MSH3: variants seen among roughly 807,000 people sequenced by gnomAD.
MSH3 encodes the protein mutS homolog 3.
Under a neutral mutation model 123.3 loss-of-function variants are expected in MSH3, and 106 were observed. The ratio of observed to expected loss-of-function variants is 0.86; its 90% CI spans 0.73 to 1.01. The LOEUF (loss-of-function observed/expected upper bound fraction) is 1.01, where lower values mean the gene tolerates loss of function less well. Ranked by LOEUF, MSH3 falls within the 50% of genes least tolerant of loss-of-function variation. MSH3 has a pLI of 0.00. For synonymous variants in MSH3, 515 were observed against 481.4 expected (o/e 1.07, Z -0.91); for missense variants, 1,459 against 1,347.6 (o/e 1.08, Z -1.29).
At chr5:80,770,016 C>T (rs1358863994) in intron 15 of MSH3, among the ~76,000 whole-genome samples, 1 of 152,148 alleles carries the variant, frequency 6.6e-6, no homozygotes, top group African/African-American at 2.4e-5. Flanking sequence ...AGCAGACATT[C>T]ACAATGCCAC....
chr5:80,705,287 A>G (rs1750695111), intron 8 of MSH3, among the ~76,000 whole-genome samples: 1 of 152,196 alleles, frequency 6.6e-6, no homozygotes, highest in Non-Finnish European at 1.5e-5. Flanking sequence ...TCTTAGCTGT[A>G]CATTGGGATT....
intron 7 of MSH3, 38 bp from the exon 8 acceptor site, chr5:80,678,889 C>T (rs771276196): frequency 1.2e-6 from 2 of 1,611,518 alleles, no homozygotes; most frequent in Non-Finnish European, 8.5e-7. Flanking sequence ...TGGGGAAATA[C>T]ATTTTTTCTG....
intron 7 of MSH3, among the ~76,000 whole-genome samples, chr5:80,677,386 G>A (rs1749865986): frequency 6.6e-6 from 1 of 152,166 alleles, no homozygotes; most frequent in Non-Finnish European, 1.5e-5. Context: ...TTACAGTGTA[G>A]ACCATTTCTC....
At position 80,679,028 on chromosome 5, in the gene MSH3, G is replaced by C; in HGVS notation, c.1275G>C (p.Glu425Asp). 1.2e-6 allele frequency: 2 copies of C among 1,614,154 alleles called. No individual in the cohort carries two copies. The highest frequency in any genetic ancestry group is 1.7e-6 in the Non-Finnish European group (2 of 1,180,012). The change falls in exon 8 of 24, where the codon GAG (glutamate) becomes GAC (aspartate). Residue 425 changes from glutamate (E) to aspartate (D), a missense_variant. Physicochemically the swap from Glu to Asp is conservative, Grantham distance 45. Coordinates refer to ENST00000265081, the MANE Select transcript of MSH3 (RefSeq NM_002439.5). The stretch of plus-strand genomic sequence containing the variant: ...GGATGTCAAGCCTGCAGCCAGTAGA[G>C]CTGCTGCTTCCTTCGGCCTTGTCCG... ...ETRMSSLQPV[E>D]LLLPSALSEQ...
Position 80,772,124 on chromosome 5 carries a change from T to G in MSH3, c.2253+3121T>G, listed in dbSNP as rs182278350. 1.4e-3 allele frequency among the ~76,000 whole-genome samples: 219 copies of G among 152,166 alleles called. 1 individual carries two copies. Among genetic ancestry groups the G allele is most frequent in the Middle Eastern group, 3.4e-3 (1 of 294 alleles). On this transcript the variant is annotated intron_variant, in intron 15 of 23. Coordinates refer to ENST00000265081, the MANE Select transcript of MSH3 (RefSeq NM_002439.5). ...CCTTGAATGAAATGTGGAATGGAAA[T>G]GGGGCAATGTTTACATTGGGGGCAG...
rs1434936547 is a variant in MSH3 at position 80,691,734 on chromosome 5, C to T, written c.1340+12641C>T. 2.4e-4 allele frequency among the ~76,000 whole-genome samples: 36 copies of T among 147,948 alleles called. No homozygotes were observed. The Admixed American group carries it at 2.5e-3, about 10-fold the overall frequency. On this transcript the variant is annotated intron_variant, in intron 8 of 23. Coordinates refer to ENST00000265081, the MANE Select transcript of MSH3 (RefSeq NM_002439.5). ...TTGCCCTATCAAAACTCAAAACTTA[C>T]ATATATATGTGTGTGTATATATATA... is the stretch of plus-strand genomic sequence containing the variant.
chr5:80,856,283 G>GT (rs909353462), intron 21 of MSH3, among the ~76,000 whole-genome samples: 3 of 150,604 alleles, frequency 2.0e-5, no homozygotes, highest in Admixed American at 6.6e-5. Flanking sequence ...ATAACATTTT[G>GT]TTTTTTTTAA....
rs112622698 is a variant in MSH3 at position 80,860,207 on chromosome 5, A to G, written c.3001-4606A>G. 2.3e-3 allele frequency among the ~76,000 whole-genome samples: 348 copies of G among 152,294 alleles called. 3 individuals carry two copies. The highest frequency in any genetic ancestry group is 8.1e-3 in the African/African-American group (335 of 41,550). Reference sequence around the variant, plus strand: ...TAGATCCACTAAAAATAAGAAAAATAAAAGTTTTTCGCCTTCACTGGTTCC... The same window carrying G: ...TAGATCCACTAAAAATAAGAAAAATGAAAGTTTTTCGCCTTCACTGGTTCC... On this transcript the variant is annotated intron_variant, in intron 21 of 23. Transcript: ENST00000265081.
intron 20 of MSH3, 39 bp downstream of exon 20, chr5:80,813,780 TAA>T (rs1745051789): frequency 1.9e-6 from 3 of 1,606,324 alleles, no homozygotes; most frequent in Non-Finnish European, 2.6e-6. Flanking sequence ...TTCTTGAAAA[TAA>T]GTCAAGCCCA....
At chr5:80,765,514 CT>C (rs1371406591) in intron 13 of MSH3, among the ~76,000 whole-genome samples, 2 of 152,098 alleles carry the variant, frequency 1.3e-5, no homozygotes, top group Admixed American at 6.6e-5. Flanking sequence ...TAGTAATTAC[CT>C]TTTTGAATAC....
chr5:80,816,242 A>G (rs942919225), intron 20 of MSH3, among the ~76,000 whole-genome samples: 4 of 152,136 alleles, frequency 2.6e-5, no homozygotes, highest in Non-Finnish European at 4.4e-5. Context: ...AACTGCAGCT[A>G]TGACAAGTCA....
rs2112106770 is a variant in MSH3, at chr5:80,854,335, G to A, written c.3000+19G>A. ...CAGAGATGTAAGTATCCGGTAAACTGTATTTAAAAAGAAATTAATTTGTAA... is the reference window on the plus strand; with the variant it reads ...CAGAGATGTAAGTATCCGGTAAACTATATTTAAAAAGAAATTAATTTGTAA... On this transcript the variant is annotated intron_variant, in intron 21 of 23. Transcript: ENST00000265081. The A allele has an allele frequency of 6.2e-7, 1 of 1,602,266 alleles. No individual in the cohort carries two copies. The highest frequency in any genetic ancestry group is 8.5e-7 in the Non-Finnish European group (1 of 1,170,110).
At chr5:80,850,796 T>C (rs183813416) in intron 20 of MSH3, among the ~76,000 whole-genome samples, 1 of 152,352 alleles carries the variant, frequency 6.6e-6, no homozygotes, top group African/African-American at 2.4e-5. Flanking sequence ...GTACTTGTTC[T>C]GTTGGTTTTC....
At position 80,761,430 on chromosome 5, in the gene MSH3, G is replaced by T. The variant is rs1005007066; in HGVS notation, c.1764-116G>T. On this transcript the variant is annotated intron_variant, in intron 12 of 23. Coordinates refer to ENST00000265081, the MANE Select transcript of MSH3 (RefSeq NM_002439.5). ...ACATGACTATCTCAGTATGAAGGAG[G>T]AGTTTCCTTTGTGCCTAATAAGTGG... is the stretch of plus-strand genomic sequence containing the variant. 1.2e-5 allele frequency: 15 copies of T among 1,231,102 alleles called. No individual in the cohort carries two copies. The African/African-American group carries it at 1.3e-4, about 11-fold the overall frequency. 76.3% of individuals were successfully genotyped at this position (1,231,102 alleles called of 1,614,324 possible).
chr5:80,727,579 T>G (rs1377209670), intron 9 of MSH3, among the ~76,000 whole-genome samples: 1 of 152,230 alleles, frequency 6.6e-6, no homozygotes, highest in Non-Finnish European at 1.5e-5. Context: ...TGTGTAAAAC[T>G]CCACACATAC....
intron 8 of MSH3, among the ~76,000 whole-genome samples, chr5:80,707,732 A>G (rs1750755390): frequency 6.6e-6 from 1 of 152,166 alleles, no homozygotes; most frequent in South Asian, 2.1e-4. Flanking sequence ...ACCCTGTCTC[A>G]AAAAAACAAA....
intron 22 of MSH3, among the ~76,000 whole-genome samples, chr5:80,866,979 T>G (rs1335466033): frequency 2.6e-5 from 4 of 152,178 alleles, no homozygotes; most frequent in Non-Finnish European, 5.9e-5. Flanking sequence ...ACCTACTGGT[T>G]CCCATTTGTC....
At chr5:80,816,291 C>G (rs1185850134) in intron 20 of MSH3, among the ~76,000 whole-genome samples, 1 of 74,410 alleles carries the variant, frequency 1.3e-5, no homozygotes, top group East Asian at 4.7e-4. Context: ...AGGCTGTGAT[C>G]CTGATATGAT....
intron 2 of MSH3, among the ~76,000 whole-genome samples, chr5:80,660,677 A>G (rs1301938307): frequency 3.9e-5 from 6 of 152,162 alleles, no homozygotes; most frequent in African/African-American, 1.4e-4. Context: ...TTTTAATTAT[A>G]GAGGGTTGTC....
Sources: gnomAD v4.1 joint callset for allele counts (sites outside exome capture counted in the v4.1 genomes callset) on GRCh38, gnomAD v4.1.1 for gene constraint, MANE v1.5 for transcripts, NCBI Gene and HGNC (gene_info 2026-07-23, HGNC 2026-07-21) for gene names.